RNLS: variants seen among roughly 807,000 people sequenced by gnomAD.
RNLS encodes the protein renalase.
RNLS carries 39 observed loss-of-function variants against 39.8 expected under a neutral mutation model. The ratio of observed to expected loss-of-function variants is 0.98; its 90% confidence interval spans 0.76 to 1.28. The LOEUF (loss-of-function observed/expected upper bound fraction) is 1.28. Ranked by LOEUF, RNLS falls within the 50% of genes most tolerant of loss-of-function variation. RNLS has a pLI of 0.00. For synonymous variants in RNLS, 147 were observed against 150.7 expected (o/e 0.98, Z 0.18); for missense variants, 410 against 413.3 (o/e 0.99, Z 0.07).
chr10:88,372,598 C>T lies in RNLS; in HGVS notation c.527-9873G>A, dbSNP rs376528920. ...TTAGAAAAAAATGAACATTTTTAAACGCAGGAACTGTTTTCTGAAACCAAG... is the reference window on the plus strand; with the variant it reads ...TTAGAAAAAAATGAACATTTTTAAATGCAGGAACTGTTTTCTGAAACCAAG... On this transcript the variant is annotated intron_variant, in intron 4 of 6. Coordinates refer to ENST00000331772, the MANE Select transcript of RNLS (RefSeq NM_001031709.3). Among the ~76,000 whole-genome samples, 41 of 152,178 alleles carry T rather than the reference C, an allele frequency of 2.7e-4. No homozygotes were observed. In the East Asian group the frequency reaches 5.8e-3, roughly 21 times the overall value.
rs531807780 is a variant in RNLS, at chr10:88,579,859, T to C, written c.367+1708A>G. Among the ~76,000 whole-genome samples, 3 of 152,324 alleles carry C rather than the reference T, an allele frequency of 2.0e-5. No individual in the cohort carries two copies. In the South Asian group the frequency reaches 6.2e-4, roughly 32 times the overall value. ...CACGTTTTTAGAAGAGATTAACATTTATTATCAGTAGATCAAGTAATGCAG... is the reference window on the plus strand; with the variant it reads ...CACGTTTTTAGAAGAGATTAACATTCATTATCAGTAGATCAAGTAATGCAG... On this transcript the variant is annotated intron_variant, in intron 3 of 6. Transcript: ENST00000331772.
At chr10:88,429,251 T>C (rs1854997855) in intron 4 of RNLS, among the ~76,000 whole-genome samples, 1 of 151,960 alleles carries the variant, frequency 6.6e-6, no homozygotes, top group Non-Finnish European at 1.5e-5. Flanking sequence ...ATATGTAAGA[T>C]GGACATACTA....
Position 88,531,979 on chromosome 10 carries a change from GCTTGCTT to G in RNLS, c.526+40917_526+40923del, listed in dbSNP as rs759629924. 4.7e-4 allele frequency among the ~76,000 whole-genome samples: 72 copies of G among 152,108 alleles called. No individual in the cohort carries two copies. The Middle Eastern group carries it at 0.014, about 29-fold the overall frequency. On this transcript the variant is annotated intron_variant, in intron 4 of 6. Coordinates refer to ENST00000331772, the MANE Select transcript of RNLS (RefSeq NM_001031709.3). ...AGATGAGGCAGAACTACCTAATCTT[GCTTGCTT>G]CCTCCAACCCCCATCTCTACTTAGC... is the stretch of plus-strand genomic sequence containing the variant.
intron 6 of RNLS, among the ~76,000 whole-genome samples, chr10:88,289,088 C>T (rs969053625): frequency 2.0e-5 from 3 of 152,152 alleles, no homozygotes; most frequent in Non-Finnish European, 4.4e-5. Flanking sequence ...CTCTTGCCTG[C>T]TCTAGAGTAG....
At chr10:88,200,096 T>G in the RNLS span, among the ~76,000 whole-genome samples, 11 of 152,306 alleles carry the variant, frequency 7.2e-5, no homozygotes, top group East Asian at 2.1e-3. Flanking sequence ...ACTACTGCAC[T>G]CCAGCCTGGG....
chr10:88,466,925 AC>A (rs566908870), intron 4 of RNLS, among the ~76,000 whole-genome samples: 15 of 152,170 alleles, frequency 9.9e-5, no homozygotes, highest in African/African-American at 2.2e-4. Flanking sequence ...TATTTTTAAA[AC>A]CCCTTTCAAG....
At chr10:88,244,663 C>A in the RNLS span, among the ~76,000 whole-genome samples, 1 of 151,736 alleles carries the variant, frequency 6.6e-6, no homozygotes, top group African/African-American at 2.4e-5. Flanking sequence ...TTTCCTTCCC[C>A]CTTTGCAGGA....
the RNLS span, among the ~76,000 whole-genome samples, chr10:88,179,060 G>T: frequency 6.6e-6 from 1 of 152,110 alleles, no homozygotes; most frequent in Non-Finnish European, 1.5e-5. Context: ...TCTAAAAAAA[G>T]AAAAGAAAAG....
chr10:88,189,634 C>G, the RNLS span, among the ~76,000 whole-genome samples: 4 of 152,246 alleles, frequency 2.6e-5, no homozygotes, highest in African/African-American at 9.6e-5. Context: ...TACTTGGTGC[C>G]TTGCACTGTG....
rs567012263 is a variant in RNLS at position 88,292,814 on chromosome 10, C to T, written c.877-7308G>A. ...ATCCCAGCACTTTGGGAGGCTGAGA[C>T]GGGTGGATCATGAGGTCAGGAGATT... On this transcript the variant is annotated intron_variant, in intron 6 of 6. Coordinates refer to ENST00000331772, the MANE Select transcript of RNLS (RefSeq NM_001031709.3). Among the ~76,000 whole-genome samples, 14 of 151,788 alleles carry T rather than the reference C, an allele frequency of 9.2e-5. No homozygotes were observed. In the East Asian group the frequency reaches 1.6e-3, roughly 17 times the overall value.
intron 4 of RNLS, among the ~76,000 whole-genome samples, chr10:88,456,584 C>T (rs965970145): frequency 6.6e-6 from 1 of 152,142 alleles, no homozygotes; most frequent in East Asian, 1.9e-4. Flanking sequence ...TGTGACATCA[C>T]AGGTAGGGCC....
intron 4 of RNLS, among the ~76,000 whole-genome samples, chr10:88,391,904 T>C (rs910877096): frequency 2.6e-5 from 4 of 152,220 alleles, no homozygotes; most frequent in African/African-American, 9.6e-5. Flanking sequence ...TGCAATAACC[T>C]GGGAAACCAA....
At position 88,535,998 on chromosome 10, in the gene RNLS, A is replaced by T. The variant is rs117003337; in HGVS notation, c.526+36905T>A. On this transcript the variant is annotated intron_variant, in intron 4 of 6. Coordinates refer to ENST00000331772, the MANE Select transcript of RNLS (RefSeq NM_001031709.3). ...CTCAGTAAAATAAAATAGAATTGAG[A>T]GATCTGAGAGATGGTATCTAGAGGT... 1.3e-3 allele frequency among the ~76,000 whole-genome samples: 205 copies of T among 152,320 alleles called. 1 individual carries two copies. The highest frequency in any genetic ancestry group is 2.3e-3 in the Non-Finnish European group (155 of 68,012).
In RNLS at chr10:88,285,427, A is replaced by G; in HGVS notation, c.956T>C (p.Phe319Ser). 2 of 1,613,354 alleles carry G rather than the reference A, an allele frequency of 1.2e-6. No homozygotes were observed. The highest frequency in any genetic ancestry group is 1.7e-6 in the Non-Finnish European group (2 of 1,179,544). ...GCAGCCATCAAAGTTGGACTGAGTA[A>G]ATCCATCCCCTCCACATGCAAGGAA... ...KPFLACGGDG[F>S]TQSNFDGCIT... Residue 319 changes from phenylalanine to serine, a missense_variant, in exon 7 of 7, where the codon TTT (phenylalanine) becomes TCT (serine). Physicochemically the swap from Phe to Ser is radical, Grantham distance 155 (BLOSUM62 -2). Transcript: ENST00000331772.
the RNLS span, among the ~76,000 whole-genome samples, chr10:88,211,513 A>G: frequency 6.6e-6 from 1 of 152,316 alleles, no homozygotes; most frequent in East Asian, 1.9e-4. Context: ...CACTGAAGAC[A>G]AGGGACAATT....
intron 4 of RNLS, among the ~76,000 whole-genome samples, chr10:88,411,646 G>A (rs945913400): frequency 6.6e-6 from 1 of 152,014 alleles, no homozygotes; most frequent in African/African-American, 2.4e-5. Flanking sequence ...GAAAAGAACT[G>A]GGAGCAAACA....
chr10:88,394,145 T>C (rs1478526320), intron 4 of RNLS, among the ~76,000 whole-genome samples: 5 of 152,184 alleles, frequency 3.3e-5, no homozygotes, highest in Non-Finnish European at 7.3e-5. Flanking sequence ...AGGACTTTCA[T>C]GTCTAAAACA....
chr10:88,285,436 C>G lies in RNLS; in HGVS notation c.947G>C (p.Gly316Ala). The stretch of plus-strand genomic sequence containing the variant: ...AAAGTTGGACTGAGTAAATCCATCC[C>G]CTCCACATGCAAGGAAAGGTTTGTG... ...LHHKPFLACG[G>A]DGFTQSNFDG... The change falls in exon 7 of 7, where the codon GGG becomes GCG. Residue 316 changes from glycine to alanine, a missense_variant. Transcript: ENST00000331772. 6.2e-7 allele frequency: 1 copy of G among 1,613,314 alleles called. No homozygotes were observed. The highest frequency in any genetic ancestry group is 8.5e-7 in the Non-Finnish European group (1 of 1,179,534).
chr10:88,423,724 G>C (rs960049642), intron 4 of RNLS, among the ~76,000 whole-genome samples: 1 of 152,178 alleles, frequency 6.6e-6, no homozygotes, highest in Non-Finnish European at 1.5e-5. Flanking sequence ...TGGTTGATCT[G>C]CTTTCAATAA....
Sources: gnomAD v4.1 joint callset for allele counts (sites outside exome capture counted in the v4.1 genomes callset) on GRCh38, gnomAD v4.1.1 for gene constraint, MANE v1.5 for transcripts, NCBI Gene and HGNC (gene_info 2026-07-23, HGNC 2026-07-21) for gene names.